WDR86: variants seen among roughly 807,000 people sequenced by gnomAD.
WDR86 encodes the protein WD repeat-containing protein 86.
A neutral mutation model predicts 36.5 loss-of-function variants in WDR86; 30 were observed. That is an observed-to-expected ratio of 0.82 (90% CI 0.61 to 1.11). The LOEUF (loss-of-function observed/expected upper bound fraction) is 1.11. WDR86 is among the 50% of genes most tolerant of loss of function. The pLI is 0.00. For missense variants in WDR86, 545 were observed against 561.2 expected, an observed-to-expected ratio of 0.97 and a Z score of 0.29; for synonymous variants, 255 against 252.9, an observed-to-expected ratio of 1.01 and a Z score of -0.08.
chr7:151,383,558 C>T (rs1798761809), intron 4 of WDR86, among the ~76,000 whole-genome samples: 1 of 152,084 alleles, frequency 6.6e-6, no homozygotes, highest in African/African-American at 2.4e-5. Flanking sequence ...CTCAAGAGAT[C>T]CTCCCGCCTT....
chr7:151,387,704 A>G (rs740512), intron 3 of WDR86, among the ~76,000 whole-genome samples: 102,617 of 152,008 alleles, frequency 0.68, 34,788 homozygotes, highest in Non-Finnish European at 0.71. Context: ...GGGGTGGGAG[A>G]AGGCTGCAGA....
At chr7:151,398,735 T>A (rs1800075893) in intron 2 of WDR86, among the ~76,000 whole-genome samples, 1 of 152,226 alleles carries the variant, frequency 6.6e-6, no homozygotes, top group Admixed American at 6.5e-5. Flanking sequence ...GTAAGTTGTG[T>A]GTGCACATGT....
chr7:151,376,670 G>A (rs752405570), downstream of WDR86: 3 of 1,611,548 alleles, frequency 1.9e-6, no homozygotes, highest in East Asian at 4.5e-5. Flanking sequence ...CGTGGCCGAA[G>A]CTGCGCTGAG....
At chr7:151,400,266 G>C in intron 1 of WDR86, 25 bp from the exon 2 acceptor site, 1 of 1,564,642 alleles carries the variant, frequency 6.4e-7, no homozygotes, top group Non-Finnish European at 8.7e-7. Context: ...CAGGGGAGAT[G>C]TGAGCGTACT....
In WDR86 at chr7:151,385,194, G is replaced by A. The variant is rs766342913; in HGVS notation, c.756C>T (p.Ser252=). 6.8e-6 allele frequency: 11 copies of A among 1,612,652 alleles called. No individual in the cohort carries two copies. Among genetic ancestry groups the A allele is most frequent in the Non-Finnish European group, 9.3e-6 (11 of 1,179,890 alleles). ...GCCAGCACTTGACGGTCCTGTCCGC[G>A]CTGCCAGAGTACACGAGTCGGTTCA... ...ELVNRLVYSG[S]ADRTVKCWLA... Residue 252 remains serine, a synonymous_variant, in exon 4 of 6, where the codon AGC becomes AGT. Transcript: ENST00000334493.
chr7:151,376,304 G>A (rs528625401), downstream of WDR86: 3 of 475,458 alleles, frequency 6.3e-6, no homozygotes, highest in South Asian at 2.5e-5. Flanking sequence ...GTCCACATTT[G>A]TGCCCCTACA....
intron 3 of WDR86, among the ~76,000 whole-genome samples, chr7:151,391,033 A>G (rs1475132176): frequency 6.6e-6 from 1 of 152,264 alleles, no homozygotes; most frequent in African/African-American, 2.4e-5. Flanking sequence ...GGGAGGCCTC[A>G]GCTGATCCTG....
At chr7:151,386,463 G>C (rs555718400) in intron 3 of WDR86, among the ~76,000 whole-genome samples, 1 of 152,180 alleles carries the variant, frequency 6.6e-6, no homozygotes, top group Non-Finnish European at 1.5e-5. Context: ...CCCTCTCTCA[G>C]GCCCTGCCCT....
chr7:151,407,215 T>C (rs1379579508), intron 1 of WDR86, among the ~76,000 whole-genome samples: 19 of 152,316 alleles, frequency 1.2e-4, no homozygotes, highest in Admixed American at 4.6e-4. Flanking sequence ...GGGCAGAAGG[T>C]TGGGCACCCT....
At chr7:151,403,639 C>T (rs1265999151) in intron 1 of WDR86, among the ~76,000 whole-genome samples, 1 of 152,214 alleles carries the variant, frequency 6.6e-6, no homozygotes, top group Non-Finnish European at 1.5e-5. Flanking sequence ...CGGATTAAGT[C>T]AACATTTGAA....
At position 151,406,195 on chromosome 7, in the gene WDR86, G is replaced by A. The variant is rs1800690792; in HGVS notation, c.163+3232C>T. On this transcript the variant is annotated intron_variant, in intron 1 of 5. Transcript: ENST00000334493. This position sits in a 1 kb window ranked among gnomAD's most constrained non-coding sequence, Gnocchi z 4.4. ...CACAGGGAGGGGCTCCCCACACGCCGGTTCTGCAGCCCACTCTCCCTGGGG... is the reference window on the plus strand; with the variant it reads ...CACAGGGAGGGGCTCCCCACACGCCAGTTCTGCAGCCCACTCTCCCTGGGG... Among the ~76,000 whole-genome samples, 1 of 152,174 alleles carries A rather than the reference G, an allele frequency of 6.6e-6. No homozygotes were observed. Among genetic ancestry groups the A allele is most frequent in the Non-Finnish European group, 1.5e-5 (1 of 68,038 alleles).
At chr7:151,400,366 C>A in intron 1 of WDR86, 125 bp from the exon 2 acceptor site, 1 of 1,047,994 alleles carries the variant, frequency 9.5e-7, no homozygotes, top group Non-Finnish European at 1.3e-6. Flanking sequence ...AAGCTGGAGT[C>A]AATTAGCATT....
chr7:151,387,992 C>T (rs879663845), intron 3 of WDR86, among the ~76,000 whole-genome samples: 10 of 152,260 alleles, frequency 6.6e-5, no homozygotes, highest in Admixed American at 1.3e-4. Flanking sequence ...CACTGCTGTG[C>T]GCCACACGCA....
intron 3 of WDR86, among the ~76,000 whole-genome samples, chr7:151,392,997 T>A (rs1293110903): frequency 6.6e-6 from 1 of 152,156 alleles, no homozygotes; most frequent in African/African-American, 2.4e-5. Flanking sequence ...GCTGTTCCCA[T>A]GGGCACCTTC....
intron 4 of WDR86, 60 bp from the exon 5 acceptor site, chr7:151,382,041 T>A: frequency 6.7e-7 from 1 of 1,482,512 alleles, no homozygotes; most frequent in Non-Finnish European, 9.2e-7. Context: ...CAAGCAGGGA[T>A]GGGGCGGCGA....
At chr7:151,387,493 G>C (rs1318429313) in intron 3 of WDR86, among the ~76,000 whole-genome samples, 3 of 152,300 alleles carry the variant, frequency 2.0e-5, no homozygotes, top group South Asian at 2.1e-4. Flanking sequence ...AGGACAGGGA[G>C]AGCGGGGTGG....
At chr7:151,400,006 G>A in intron 2 of WDR86, 94 bp downstream of exon 2, 1 of 1,247,146 alleles carries the variant, frequency 8.0e-7, no homozygotes, top group Non-Finnish European at 1.1e-6. Context: ...AGAGCCAAGG[G>A]CCCTCACGTG....
In WDR86 at chr7:151,409,853, CAG is replaced by C; in HGVS notation, c.-266_-265del. ...CTGGGTAGAGTCCTGGGCGCGCGGG[CAG>C]AGAGAACCCCCTTCCCAGCACCGCT... is the stretch of plus-strand genomic sequence containing the variant. On this transcript the variant is annotated 5_prime_UTR_variant, in exon 1 of 6. Transcript: ENST00000334493. The surrounding 1 kb of genome is among the most constrained non-coding windows in gnomAD (Gnocchi z 5.2). 1.6e-6 allele frequency: 2 copies of C among 1,213,478 alleles called. No individual in the cohort carries two copies. The highest frequency in any genetic ancestry group is 3.2e-4 in the Middle Eastern group (1 of 3,088). The allele number at this position is 1,213,478 out of a possible 1,614,324, so 75.2% of individuals were successfully genotyped here.
intron 4 of WDR86, among the ~76,000 whole-genome samples, chr7:151,383,444 A>G (rs989784326): frequency 3.4e-5 from 5 of 148,262 alleles, no homozygotes; most frequent in Non-Finnish European, 1.5e-5. Flanking sequence ...ATTTCACTCC[A>G]GCCTGGGCCA....
Sources: allele counts gnomAD v4.1 joint callset (sites outside exome capture counted in the v4.1 genomes callset), GRCh38; gene constraint gnomAD v4.1.1; non-coding constraint Gnocchi (gnomAD v3.1); transcripts MANE v1.5; gene names NCBI Gene and HGNC (gene_info 2026-07-23, HGNC 2026-07-21).